The following TRIO variants were observed in gnomAD, a reference collection of about 807,000 sequenced individuals.
TRIO encodes triple functional domain protein.
A neutral mutation model predicts 351.9 loss-of-function variants in TRIO; 58 were observed. The ratio of observed to expected loss-of-function variants is 0.16; its 90% CI spans 0.13 to 0.21. The LOEUF (loss-of-function observed/expected upper bound fraction) is 0.21. Among genes scored for constraint, TRIO ranks in the 10% least tolerant of loss-of-function variants. TRIO has a pLI of 1.00. For synonymous variants in TRIO, 1,758 were observed against 1,595.7 expected, an observed-to-expected ratio of 1.10 and a Z score of -2.42; for missense variants, 3,201 against 4,027.8, an observed-to-expected ratio of 0.79 and a Z score of 5.56.
intron 11 of TRIO, among the ~76,000 whole-genome samples, chr5:14,343,422 C>T (rs1420160272): frequency 6.6e-6 from 1 of 152,252 alleles, no homozygotes; most frequent in Non-Finnish European, 1.5e-5. Flanking sequence ...CCTGCTCCAT[C>T]TCTAACCCCT....
intron 37 of TRIO, among the ~76,000 whole-genome samples, chr5:14,469,838 C>G (rs1754551096): frequency 6.6e-6 from 1 of 152,248 alleles, no homozygotes; most frequent in South Asian, 2.1e-4. Context: ...AAGTCCGTGA[C>G]TTTACCTCCC....
At chr5:14,308,026 C>T (rs1397912247) in intron 8 of TRIO, among the ~76,000 whole-genome samples, 2 of 152,146 alleles carry the variant, frequency 1.3e-5, no homozygotes, top group Non-Finnish European at 1.5e-5. Flanking sequence ...CCTTTGAGCA[C>T]TTGTTCCCAG....
At chr5:14,409,333 A>G (rs909509257) in intron 33 of TRIO, among the ~76,000 whole-genome samples, 1 of 151,714 alleles carries the variant, frequency 6.6e-6, no homozygotes, top group African/African-American at 2.4e-5. Flanking sequence ...TTTGTATCCA[A>G]CGAAAGAGGA....
At chr5:14,212,291 A>G (rs139633169) in intron 1 of TRIO, among the ~76,000 whole-genome samples, 1 of 152,116 alleles carries the variant, frequency 6.6e-6, no homozygotes, top group Non-Finnish European at 1.5e-5. Flanking sequence ...AGGACCAGAA[A>G]AATTTCCAGC....
intron 10 of TRIO, among the ~76,000 whole-genome samples, chr5:14,336,286 T>C (rs867659372): frequency 6.6e-6 from 1 of 152,202 alleles, no homozygotes; most frequent in Admixed American, 6.5e-5. Context: ...TGCCTGCAGA[T>C]AGTCCATCAC....
At chr5:14,461,977 A>G (rs1373400626) in intron 35 of TRIO, among the ~76,000 whole-genome samples, 2 of 152,236 alleles carry the variant, frequency 1.3e-5, no homozygotes, top group Non-Finnish European at 2.9e-5. Flanking sequence ...TGCAAGAAAC[A>G]GAATTCCTTC....
intron 34 of TRIO, among the ~76,000 whole-genome samples, chr5:14,448,631 C>G (rs562475789): frequency 6.6e-6 from 1 of 152,344 alleles, no homozygotes; most frequent in Admixed American, 6.5e-5. Flanking sequence ...GTCCACTACC[C>G]CCAGCCAGTA....
intron 11 of TRIO, among the ~76,000 whole-genome samples, chr5:14,344,740 T>C (rs1742263909): frequency 6.6e-6 from 1 of 152,234 alleles, no homozygotes; most frequent in African/African-American, 2.4e-5. Flanking sequence ...AACTGCTTAA[T>C]CTTCCTGTCC....
At chr5:14,292,307 A>G (rs990929319) in intron 5 of TRIO, among the ~76,000 whole-genome samples, 8 of 152,190 alleles carry the variant, frequency 5.3e-5, no homozygotes, top group African/African-American at 1.9e-4. Flanking sequence ...CTTCTTTTCA[A>G]TTACTGGAAG....
chr5:14,431,026 G>C (rs1387922736), intron 34 of TRIO, among the ~76,000 whole-genome samples: 1 of 152,182 alleles, frequency 6.6e-6, no homozygotes, highest in African/African-American at 2.4e-5. Context: ...TTTTGAATAA[G>C]ACAGTTTTTA....
At chr5:14,242,615 C>A (rs1370484761) in intron 1 of TRIO, among the ~76,000 whole-genome samples, 1 of 152,200 alleles carries the variant, frequency 6.6e-6, no homozygotes, top group Non-Finnish European at 1.5e-5. Context: ...CACTGTGTCA[C>A]CCAGGCTGGA....
chr5:14,481,779 T>C (rs1755540436), intron 45 of TRIO, 161 bp downstream of exon 45: 4 of 672,064 alleles, frequency 6.0e-6, no homozygotes, highest in Admixed American at 7.0e-5. Context: ...TCCTTTTTTT[T>C]TTTTTTTTTT....
chr5:14,247,179 C>T (rs1202130149), intron 1 of TRIO, among the ~76,000 whole-genome samples: 3 of 152,258 alleles, frequency 2.0e-5, no homozygotes, highest in Non-Finnish European at 4.4e-5. Context: ...TTGGTGTTAG[C>T]CTGTGTGGTC....
At chr5:14,216,004 C>T (rs1295196160) in intron 1 of TRIO, among the ~76,000 whole-genome samples, 2 of 152,128 alleles carry the variant, frequency 1.3e-5, no homozygotes, top group Non-Finnish European at 2.9e-5. Flanking sequence ...CTTCTCTGTG[C>T]GTTAGTTTCC....
chr5:14,378,112 G>C lies in TRIO; in HGVS notation c.3432G>C (p.Glu1144Asp). 1 of 1,611,640 alleles carries C rather than the reference G, an allele frequency of 6.2e-7. No homozygotes were observed. Among genetic ancestry groups the C allele is most frequent in the African/African-American group, 1.3e-5 (1 of 75,034 alleles). The change falls in exon 20 of 57, where the codon GAG (glutamate) becomes GAC (aspartate). Residue 1144 changes from glutamate (E) to aspartate (D), a missense_variant. By Grantham distance (45) the Glu-to-Asp change is conservative (BLOSUM62 2). Coordinates refer to ENST00000344204, the MANE Select transcript of TRIO (RefSeq NM_007118.4). ...AGTGTCAGCAGTACGTGGTCTTTGA[G>C]AGGAGTGCCAAGCAGGTCAGTGCAC... is the stretch of plus-strand genomic sequence containing the variant. ...LDQCQQYVVFERSAKQALEWI... is the reference protein window; with the variant it reads ...LDQCQQYVVFDRSAKQALEWI...
intron 1 of TRIO, among the ~76,000 whole-genome samples, chr5:14,267,551 A>T (rs1368363339): frequency 6.6e-6 from 1 of 152,244 alleles, no homozygotes; most frequent in African/African-American, 2.4e-5. Context: ...TCTGTGGAAT[A>T]GCAGAGAAGC....
rs1310182048 is a variant in TRIO, at chr5:14,280,350, T to C, written c.261T>C (p.Ile87=). ...GGAGAGATAAACGTGGAGGTCCCATTTTAACGTTTCCGGCCCGCAGCAATC... is the reference window on the plus strand; with the variant it reads ...GGAGAGATAAACGTGGAGGTCCCATCTTAACGTTTCCGGCCCGCAGCAATC... ...SGGRDKRGGP[I]LTFPARSNHD... Residue 87 remains isoleucine (I), a synonymous_variant, in exon 3 of 57, where the codon ATT becomes ATC. Coordinates refer to ENST00000344204, the MANE Select transcript of TRIO (RefSeq NM_007118.4). 1 of 1,614,164 alleles carries C rather than the reference T, an allele frequency of 6.2e-7. No homozygotes were observed. The highest frequency in any genetic ancestry group is 1.1e-5 in the South Asian group (1 of 91,076).
At position 14,208,010 on chromosome 5, in the gene TRIO, T is replaced by A. The variant is rs1309586845; in HGVS notation, c.158-62815T>A. 2.0e-5 allele frequency among the ~76,000 whole-genome samples: 3 copies of A among 152,322 alleles called. No homozygotes were observed. The East Asian group carries it at 5.8e-4, about 29-fold the overall frequency. On this transcript the variant is annotated intron_variant, in intron 1 of 56. Transcript: ENST00000344204. ...CAGCTATAATAAAAAAGATTGACATTGCCAAGTGTTGATGAGGGTGTGGAG... is the reference window on the plus strand; with the variant it reads ...CAGCTATAATAAAAAAGATTGACATAGCCAAGTGTTGATGAGGGTGTGGAG...
At chr5:14,248,604 G>T (rs1028234276) in intron 1 of TRIO, among the ~76,000 whole-genome samples, 14 of 152,302 alleles carry the variant, frequency 9.2e-5, no homozygotes, top group Non-Finnish European at 2.9e-5. Context: ...TTTCCTGAGG[G>T]GAGCCCCTTG....
Sources: gnomAD v4.1 joint callset for allele counts (sites outside exome capture counted in the v4.1 genomes callset) on GRCh38, gnomAD v4.1.1 for gene constraint, MANE v1.5 for transcripts, NCBI Gene and HGNC (gene_info 2026-07-23, HGNC 2026-07-21) for gene names.